The following LOC400499 variants were observed in gnomAD, a reference collection of about 807,000 sequenced individuals.
chr16:11,485,575 C>T, the LOC400499 span, among the ~76,000 whole-genome samples: 143 of 152,170 alleles, frequency 9.4e-4, no homozygotes, highest in African/African-American at 3.4e-3. Flanking sequence ...CCGCGCACCC[C>T]TCTCTTCACC....
chr16:11,476,303 C>T, the LOC400499 span, among the ~76,000 whole-genome samples: 4 of 151,946 alleles, frequency 2.6e-5, no homozygotes, highest in Admixed American at 6.5e-5. Context: ...TGCCCCTCTC[C>T]AAGAGTCACC....
the LOC400499 span, among the ~76,000 whole-genome samples, chr16:11,480,905 G>A: frequency 6.6e-6 from 1 of 152,170 alleles, no homozygotes; most frequent in African/African-American, 2.4e-5. Context: ...ACAAAAAGAA[G>A]TACAGGAGCA....
chr16:11,423,698 T>C, the LOC400499 span, among the ~76,000 whole-genome samples: 1 of 152,214 alleles, frequency 6.6e-6, no homozygotes, highest in Non-Finnish European at 1.5e-5. Flanking sequence ...GGTTTCCTGC[T>C]TTTCATTTCT....
the LOC400499 span, chr16:11,404,963 T>G: frequency 2.5e-6 from 1 of 397,828 alleles, no homozygotes; most frequent in Non-Finnish European, 4.4e-6. Flanking sequence ...AAGGGAATAT[T>G]TGTGGATCAT....
the LOC400499 span, chr16:11,392,060 C>G: frequency 1.5e-5 from 6 of 400,096 alleles, no homozygotes; most frequent in African/African-American, 1.2e-4. Flanking sequence ...ACCTTCTCTT[C>G]CAGCCGGGCT....
the LOC400499 span, chr16:11,384,362 C>T: frequency 7.9e-6 from 9 of 1,136,112 alleles, no homozygotes; most frequent in Non-Finnish European, 1.0e-5. Context: ...GGCCGTAAGA[C>T]CCTGTGATCC....
the LOC400499 span, among the ~76,000 whole-genome samples, chr16:11,434,032 G>A: frequency 6.6e-6 from 1 of 152,208 alleles, no homozygotes; most frequent in Non-Finnish European, 1.5e-5. Flanking sequence ...TCAGGAGGCA[G>A]GGGAAGGCTC....
chr16:11,399,090 A>C, the LOC400499 span: 1 of 452,052 alleles, frequency 2.2e-6, no homozygotes, highest in African/African-American at 2.1e-5. Flanking sequence ...GCTCTGCAGA[A>C]CAGTGCTCGG....
At chr16:11,395,906 A>C in the LOC400499 span, among the ~76,000 whole-genome samples, 1 of 152,228 alleles carries the variant, frequency 6.6e-6, no homozygotes, top group East Asian at 1.9e-4. Context: ...CAGATGAGGA[A>C]ACACATGCTC....
chr16:11,443,261 T>G, the LOC400499 span: 397 of 308,150 alleles, frequency 1.3e-3, 2 homozygotes, highest in Non-Finnish European at 2.1e-3. Context: ...GAGGCAGAGG[T>G]TGCAATGAGC....
At chr16:11,392,866 C>A in the LOC400499 span, 1 of 921,724 alleles carries the variant, frequency 1.1e-6, no homozygotes, top group Non-Finnish European at 1.3e-6. Context: ...TTTTGTTTTA[C>A]TTTTTGAGAC....
At chr16:11,391,674 T>C in the LOC400499 span, 1 of 1,231,846 alleles carries the variant, frequency 8.1e-7, no homozygotes, top group Non-Finnish European at 1.0e-6. Context: ...ACATTCCAGC[T>C]CCTCCCGCAG....
the LOC400499 span, chr16:11,460,712 C>T: frequency 7.1e-7 from 1 of 1,413,206 alleles, no homozygotes; most frequent in Non-Finnish European, 9.3e-7. Flanking sequence ...CTCAGCCACA[C>T]CCCCCATGCT....
At chr16:11,510,646 G>T in the LOC400499 span, among the ~76,000 whole-genome samples, 1 of 151,596 alleles carries the variant, frequency 6.6e-6, no homozygotes, top group African/African-American at 2.4e-5. Context: ...AAATGGAGTT[G>T]ACCATGATCA....
the LOC400499 span, chr16:11,448,844 A>G: frequency 1.6e-6 from 2 of 1,249,324 alleles, no homozygotes; most frequent in African/African-American, 2.9e-5. Flanking sequence ...TTCCATCCGA[A>G]GCAGGGAGAG....
chr16:11,384,821 G>A, the LOC400499 span: 4 of 1,218,728 alleles, frequency 3.3e-6, no homozygotes, highest in Non-Finnish European at 3.1e-6. Context: ...CGCCCTGGAA[G>A]CTTAAAGGGG....
chr16:11,401,201 C>A, the LOC400499 span: 1 of 398,914 alleles, frequency 2.5e-6, no homozygotes, highest in East Asian at 3.6e-5. Context: ...CCCAGCCCCA[C>A]AGGCTCAGTC....
the LOC400499 span, among the ~76,000 whole-genome samples, chr16:11,526,750 C>T: frequency 6.6e-6 from 1 of 152,116 alleles, no homozygotes. Context: ...CTCACTCTGT[C>T]GCCCAAGTTG....
chr16:11,380,536 T>G, the LOC400499 span, among the ~76,000 whole-genome samples: 8 of 152,194 alleles, frequency 5.3e-5, no homozygotes, highest in African/African-American at 1.7e-4. Context: ...CAAAAAAAAA[T>G]AAGAATAATA....
Sources: gnomAD v4.1 joint callset for allele counts (sites outside exome capture counted in the v4.1 genomes callset) on GRCh38, gnomAD v4.1.1 for gene constraint, MANE v1.5 for transcripts.